WASHC5: variants seen among roughly 807,000 people sequenced by gnomAD.
The protein encoded by WASHC5 is WASH complex subunit strumpellin.
Under a neutral mutation model 150.4 loss-of-function variants are expected in WASHC5, and 101 were observed. That is an observed-to-expected ratio of 0.67 (90% CI 0.57 to 0.79). The LOEUF is 0.79. Ranked by LOEUF, WASHC5 falls within the 30% of genes least tolerant of loss-of-function variation. The probability of loss-of-function intolerance (pLI) is 0.00; values close to 1 mark genes in which losing one functional copy is unlikely to be tolerated. For missense variants in WASHC5, 1,195 were observed against 1,396.3 expected, an observed-to-expected ratio of 0.86 and a Z score of 2.30; for synonymous variants, 467 against 491.2, an observed-to-expected ratio of 0.95 and a Z score of 0.65.
intron 11 of WASHC5, among the ~76,000 whole-genome samples, chr8:125,061,796 AGTGT>A (rs1816603289): frequency 6.6e-6 from 1 of 152,234 alleles, no homozygotes; most frequent in East Asian, 1.9e-4. Flanking sequence ...GATTACCCTC[AGTGT>A]GTCAGGCAAA....
chr8:125,085,362 G>A (rs894293589), intron 1 of WASHC5, among the ~76,000 whole-genome samples: 1 of 152,180 alleles, frequency 6.6e-6, no homozygotes, highest in African/African-American at 2.4e-5. Flanking sequence ...ATTTTAGTAT[G>A]TAACACTTAA....
At chr8:125,032,722 C>A (rs752645125) in intron 26 of WASHC5, 8 of 350,656 alleles carry the variant, frequency 2.3e-5, no homozygotes, top group East Asian at 1.4e-4. Flanking sequence ...AAAATCACTA[C>A]AACTGACTTC....
rs1563632601 is a variant in WASHC5, at chr8:125,076,426, G to A, written c.786C>T (p.Leu262=). ...TGTGAAGGATGGAAGGCTCAAAGTA[G>A]AGAATCACGTACAGCATGGCAGCTT... ...ANQAAMLYVI[L]YFEPSILHTH... is the part of the protein sequence containing the mutation. The change falls in exon 7 of 29, where the codon CTC becomes CTT. Residue 262 remains leucine (L), a synonymous_variant. Transcript: ENST00000318410. 1 of 1,613,990 alleles carries A rather than the reference G, an allele frequency of 6.2e-7. No homozygotes were observed. The highest frequency in any genetic ancestry group is 1.7e-5 in the Admixed American group (1 of 60,004).
chr8:125,071,110 G>A (rs1423209631), intron 9 of WASHC5, among the ~76,000 whole-genome samples: 4 of 152,180 alleles, frequency 2.6e-5, no homozygotes, highest in African/African-American at 4.8e-5. Flanking sequence ...TCTCAGAGTT[G>A]GTCCTCAAGG....
intron 18 of WASHC5, among the ~76,000 whole-genome samples, chr8:125,050,035 GT>G (rs2130052698): frequency 8.1e-6 from 1 of 123,080 alleles, no homozygotes; most frequent in African/African-American, 5.0e-5. Context: ...AAGAATGACT[GT>G]GATTTCTCTG....
intron 28 of WASHC5, among the ~76,000 whole-genome samples, chr8:125,025,318 G>A (rs1815347248): frequency 1.3e-5 from 2 of 152,156 alleles, no homozygotes; most frequent in Admixed American, 1.3e-4. Flanking sequence ...AAATGCAGAA[G>A]AGTATAAAAA....
intron 9 of WASHC5, among the ~76,000 whole-genome samples, chr8:125,068,582 G>A (rs1357597181): frequency 6.6e-6 from 1 of 152,176 alleles, no homozygotes; most frequent in Non-Finnish European, 1.5e-5. Context: ...TAGATGCTGA[G>A]TCCTCTGTGT....
At position 125,073,294 on chromosome 8, in the gene WASHC5, C is replaced by T; in HGVS notation, c.1009G>A (p.Val337Met). 1.2e-6 allele frequency: 2 copies of T among 1,614,020 alleles called. No homozygotes were observed. Among genetic ancestry groups the T allele is most frequent in the South Asian group, 1.1e-5 (1 of 91,084 alleles). Reference protein sequence around the residue: ...ASRYATVSERVHAQVQQFLKE... With the variant: ...ASRYATVSERMHAQVQQFLKE... ...AGAAATTGCTGCACTTGAGCATGCA[C>T]TCTTTCACTGACAGTAGCATATCTG... The change falls in exon 9 of 29, where the codon GTG becomes ATG. Residue 337 changes from valine to methionine, a missense_variant. Physicochemically the swap from Val to Met is conservative, Grantham distance 21. Coordinates refer to ENST00000318410, the MANE Select transcript of WASHC5 (RefSeq NM_014846.4).
rs1815966336 is a variant in WASHC5 at position 125,043,806 on chromosome 8, C to T, written c.2850+19G>A. 2 of 1,553,390 alleles carry T rather than the reference C, an allele frequency of 1.3e-6. No homozygotes were observed. The highest frequency in any genetic ancestry group is 1.8e-6 in the Non-Finnish European group (2 of 1,125,014). ...AAAAATGTAAGTATTGACTGTACACCCTCTCTTCTACAACATACCTTCATT... is the reference window on the plus strand; with the variant it reads ...AAAAATGTAAGTATTGACTGTACACTCTCTCTTCTACAACATACCTTCATT... On this transcript the variant is annotated intron_variant, in intron 23 of 28. Coordinates refer to ENST00000318410, the MANE Select transcript of WASHC5 (RefSeq NM_014846.4).
At chr8:125,028,169 T>C (rs1199635523) in intron 28 of WASHC5, among the ~76,000 whole-genome samples, 1 of 152,248 alleles carries the variant, frequency 6.6e-6, no homozygotes, top group Non-Finnish European at 1.5e-5. Flanking sequence ...GGAAAGAATG[T>C]CTTGGCAGGT....
intron 23 of WASHC5, among the ~76,000 whole-genome samples, chr8:125,041,406 G>A (rs182345203): frequency 1.4e-4 from 22 of 152,160 alleles, no homozygotes; most frequent in Admixed American, 8.5e-4. Context: ...TTGGGAGGCC[G>A]AGGCAGGCTG....
At chr8:125,026,458 T>G (rs1020766255) in intron 28 of WASHC5, among the ~76,000 whole-genome samples, 18 of 152,166 alleles carry the variant, frequency 1.2e-4, no homozygotes, top group African/African-American at 4.3e-4. Context: ...ATCTTTTTCT[T>G]TATAGTTTCT....
chr8:125,081,592 A>C, intron 5 of WASHC5, 69 bp downstream of exon 5: 2 of 864,848 alleles, frequency 2.3e-6, no homozygotes, highest in Middle Eastern at 2.2e-4. Flanking sequence ...CAGTATAAGG[A>C]ATATGGGGAC....
chr8:125,088,318 G>A (rs761512913), intron 1 of WASHC5, among the ~76,000 whole-genome samples: 2 of 151,714 alleles, frequency 1.3e-5, no homozygotes, highest in Non-Finnish European at 2.9e-5. Flanking sequence ...CCAGCTACTC[G>A]GGAGGCTGAG....
chr8:125,087,404 A>T (rs1047409782), intron 1 of WASHC5, among the ~76,000 whole-genome samples: 1 of 152,156 alleles, frequency 6.6e-6, no homozygotes, highest in African/African-American at 2.4e-5. Flanking sequence ...TCGGTGAGGG[A>T]ACAACAAGTA....
intron 23 of WASHC5, among the ~76,000 whole-genome samples, chr8:125,041,377 C>T (rs1442627397): frequency 2.6e-5 from 4 of 152,148 alleles, no homozygotes; most frequent in Non-Finnish European, 4.4e-5. Context: ...CAGGGGCTCA[C>T]GCCTGCAATC....
At chr8:125,077,136 T>C (rs1817087468) in intron 6 of WASHC5, among the ~76,000 whole-genome samples, 1 of 152,218 alleles carries the variant, frequency 6.6e-6, no homozygotes, top group Non-Finnish European at 1.5e-5. Context: ...AATCTTTGGA[T>C]GCACAAAGCA....
intron 27 of WASHC5, among the ~76,000 whole-genome samples, chr8:125,031,181 A>T (rs1264652974): frequency 6.6e-6 from 1 of 152,186 alleles, no homozygotes; most frequent in Non-Finnish European, 1.5e-5. Flanking sequence ...GAGCTCATTC[A>T]TGCACTTAGT....
intron 28 of WASHC5, among the ~76,000 whole-genome samples, chr8:125,025,065 T>G (rs1245629753): frequency 6.6e-6 from 1 of 150,888 alleles, no homozygotes; most frequent in Non-Finnish European, 1.5e-5. Context: ...GTTGGAGAGG[T>G]AGGGGAGGGC....
Sources: gnomAD v4.1 joint callset for allele counts (sites outside exome capture counted in the v4.1 genomes callset) on GRCh38, gnomAD v4.1.1 for gene constraint, MANE v1.5 for transcripts, NCBI Gene and HGNC (gene_info 2026-07-23, HGNC 2026-07-21) for gene names.